Variants in KLK13 observed in about 807,000 individuals in gnomAD.
The protein encoded by KLK13 is kallikrein related peptidase 13, also known as kallikrein-13.
In KLK13, 19 loss-of-function variants were observed where a neutral mutation model predicts 22.4. The observed-to-expected ratio is 0.85, with a 90% CI of 0.59 to 1.24. KLK13 has a LOEUF of 1.24. Ranked by LOEUF, KLK13 falls within the 50% of genes most tolerant of loss-of-function variation. The pLI is 0.00. For synonymous variants in KLK13, 156 were observed against 141.8 expected, an observed-to-expected ratio of 1.10 and a Z score of -0.71; for missense variants, 311 against 347.9, an observed-to-expected ratio of 0.89 and a Z score of 0.84.
chr19:51,064,709 C>A (rs1180737706), intron 1 of KLK13: 2 of 618,950 alleles, frequency 3.2e-6, no homozygotes, highest in African/African-American at 1.8e-5. Flanking sequence ...TGGCTCAAAG[C>A]GGCAGCGTCA....
intron 3 of KLK13, 69 bp from the exon 4 acceptor site, chr19:51,058,743 C>A (rs1159935568): frequency 6.8e-7 from 1 of 1,472,168 alleles, no homozygotes; most frequent in Non-Finnish European, 9.5e-7. Flanking sequence ...GTGAAATAGG[C>A]GAGTTGAATG....
chr19:51,056,526 C>CT lies in KLK13; in HGVS notation c.*60dup, dbSNP rs556262982. On this transcript the variant is annotated 3_prime_UTR_variant, in exon 5 of 5. Coordinates refer to ENST00000595793, the MANE Select transcript of KLK13 (RefSeq NM_015596.3). ...ACTGGGAATAAGGAGCAGAGAAGGG[C>CT]TAAGCAGACCATGTGAGGAAGTCAT... is the stretch of plus-strand genomic sequence containing the variant. The CT allele has an allele frequency of 1.9e-4, 292 of 1,527,390 alleles. 1 individual carries two copies. The East Asian group carries it at 4.7e-3, about 24-fold the overall frequency. 94.6% of individuals were successfully genotyped at this position (1,527,390 alleles called of 1,614,324 possible).
chr19:51,063,929 G>C (rs186456497), intron 1 of KLK13: 3 of 436,294 alleles, frequency 6.9e-6, no homozygotes, highest in Non-Finnish European at 1.4e-5. Flanking sequence ...GTCTGTCCCC[G>C]CTAGACTCCA....
At position 51,059,873 on chromosome 19, in the gene KLK13, CAGG is replaced by C; in HGVS notation, c.457_459del (p.Pro153del). 1 of 1,604,194 alleles carries C rather than the reference CAGG, an allele frequency of 6.2e-7. No individual in the cohort carries two copies. The highest frequency in any genetic ancestry group is 8.5e-7 in the Non-Finnish European group (1 of 1,174,696). Reference sequence around the variant, plus strand: ...CAGCCAGACACCCGACAGGTGGTGCCAGGGGTTAGGCGGTTGTTGTGGGAAAGG... The same window carrying C: ...CAGCCAGACACCCGACAGGTGGTGCCGGTTAGGCGGTTGTTGTGGGAAAGG... On this transcript the variant is annotated inframe_deletion, in exon 3 of 5. Transcript: ENST00000595793.
In KLK13 at chr19:51,056,743, T is replaced by C; in HGVS notation, c.678A>G (p.Arg226=). 6.2e-7 allele frequency: 1 copy of C among 1,614,100 alleles called. No homozygotes were observed. Among genetic ancestry groups the C allele is most frequent in the Non-Finnish European group, 8.5e-7 (1 of 1,180,014 alleles). The change falls in exon 5 of 5, where the codon AGA becomes AGG. Residue 226 remains arginine (R), a synonymous_variant. Coordinates refer to ENST00000595793, the MANE Select transcript of KLK13 (RefSeq NM_015596.3). ...CCCAGGAGACGATGCCATACAGTGT[T>C]CTGTTACAGACCAGGGGGCCCCCAG... The part of the protein sequence containing the change: ...GDSGGPLVCN[R]TLYGIVSWGD...
Position 51,056,275 on chromosome 19 carries a change from C to A in KLK13, c.*312G>T. ...CTGATGGAAATATTTAAGAATGTGC[C>A]ACAGACAGAACGTTCAGGTGGTGAT... On this transcript the variant is annotated 3_prime_UTR_variant, in exon 5 of 5. Coordinates refer to ENST00000595793, the MANE Select transcript of KLK13 (RefSeq NM_015596.3). 3.0e-6 allele frequency: 1 copy of A among 330,116 alleles called. No individual in the cohort carries two copies. Among genetic ancestry groups the A allele is most frequent in the South Asian group, 4.5e-5 (1 of 22,424 alleles). 20.4% of individuals were successfully genotyped at this position (330,116 alleles called of 1,614,324 possible). A position where few individuals can be genotyped will look rare whatever the true frequency, so the allele number is the denominator to read the frequency against.
At chr19:51,058,809 G>T (rs1207088400) in intron 3 of KLK13, 135 bp from the exon 4 acceptor site, 8 of 861,002 alleles carry the variant, frequency 9.3e-6, no homozygotes, top group Non-Finnish European at 1.5e-5. Flanking sequence ...GAAGAGATGA[G>T]CACCTATCTG....
chr19:51,056,728 G>A lies in KLK13; in HGVS notation c.693C>T (p.Ile231=), dbSNP rs765329818. Residue 231 remains isoleucine (I), a synonymous_variant, in exon 5 of 5, where the codon ATC becomes ATT. Transcript: ENST00000595793. The part of the protein sequence containing the change: ...PLVCNRTLYG[I]VSWGDFPCGQ... ...CACATGGGAAGTCTCCCCAGGAGAC[G>A]ATGCCATACAGTGTTCTGTTACAGA... 9 of 1,614,062 alleles carry A rather than the reference G, an allele frequency of 5.6e-6. No homozygotes were observed. The highest frequency in any genetic ancestry group is 5.5e-5 in the South Asian group (5 of 91,084).
intron 3 of KLK13, chr19:51,059,565 CATAATAT>C (rs1309218847): frequency 1.0e-5 from 2 of 192,716 alleles, no homozygotes; most frequent in Non-Finnish European, 2.0e-5. Flanking sequence ...CTATATAATA[CATAATAT>C]ACATCATATA....
intron 1 of KLK13, chr19:51,064,652 A>G (rs756809404): frequency 1.8e-6 from 1 of 567,202 alleles, no homozygotes; most frequent in Non-Finnish European, 3.4e-6. Flanking sequence ...GATTAAGCCC[A>G]TTTTCCAGAT....
chr19:51,061,539 C>T (rs560960283), intron 1 of KLK13, among the ~76,000 whole-genome samples: 85 of 152,302 alleles, frequency 5.6e-4, no homozygotes, highest in African/African-American at 2.0e-3. Flanking sequence ...GTCATCTTTG[C>T]TTCTCTTCTT....
At position 51,064,805 on chromosome 19, in the gene KLK13, G is replaced by C. The variant is rs533911047; in HGVS notation, c.52+211C>G. On this transcript the variant is annotated intron_variant, in intron 1 of 4. Coordinates refer to ENST00000595793, the MANE Select transcript of KLK13 (RefSeq NM_015596.3). ...GGCTGCTGCGAGGGTATTTTGGGAG[G>C]TGAAGGGTCTGGGGTCGGAGGGCCA... 411 of 616,820 alleles carry C rather than the reference G, an allele frequency of 6.7e-4. 2 individuals carry two copies. Among genetic ancestry groups the C allele is most frequent in the African/African-American group, 5.5e-3 (299 of 54,132 alleles). 38.2% of individuals were successfully genotyped at this position (616,820 alleles called of 1,614,324 possible).
chr19:51,060,197 C>T (rs1025969415), intron 2 of KLK13, 104 bp from the exon 3 acceptor site: 33 of 1,389,636 alleles, frequency 2.4e-5, no homozygotes, highest in South Asian at 2.0e-4. Context: ...CTTCTCCATC[C>T]TACCTTCCTC....
At chr19:51,062,433 A>T (rs1056517304) in intron 1 of KLK13, among the ~76,000 whole-genome samples, 1 of 152,156 alleles carries the variant, frequency 6.6e-6, no homozygotes, top group African/African-American at 2.4e-5. Context: ...ATTTGTATGT[A>T]TTCGTTTTTA....
upstream of KLK13, among the ~76,000 whole-genome samples, chr19:51,065,393 A>G (rs1408815328): frequency 4.6e-5 from 7 of 151,924 alleles, no homozygotes; most frequent in Admixed American, 2.6e-4. Flanking sequence ...CTTTTCCTCC[A>G]GAGTCTGCCT....
chr19:51,060,176 C>G (rs1191439959), intron 2 of KLK13, 83 bp from the exon 3 acceptor site: 3 of 1,525,484 alleles, frequency 2.0e-6, no homozygotes, highest in African/African-American at 1.4e-5. Flanking sequence ...TTCCCATCCC[C>G]AACCTAACTT....
Position 51,055,770 on chromosome 19 carries a change from G to C in KLK13, c.*817C>G, listed in dbSNP as rs1243234914. On this transcript the variant is annotated 3_prime_UTR_variant, in exon 5 of 5. Coordinates refer to ENST00000595793, the MANE Select transcript of KLK13 (RefSeq NM_015596.3). The stretch of plus-strand genomic sequence containing the variant: ...GATTTGCACTACATTTTAGGGTCAT[G>C]CACAAAGATGTAACAGCAAGGGACA... Among the ~76,000 whole-genome samples the C allele has an allele frequency of 6.6e-6, 1 of 152,202 alleles. No individual in the cohort carries two copies. Among genetic ancestry groups the C allele is most frequent in the African/African-American group, 2.4e-5 (1 of 41,450 alleles).
intron 1 of KLK13, among the ~76,000 whole-genome samples, chr19:51,061,902 C>T (rs140537752): frequency 3.8e-4 from 58 of 152,272 alleles, no homozygotes; most frequent in African/African-American, 1.4e-3. Flanking sequence ...GCCTCATGGG[C>T]CTGTTCTTCA....
chr19:51,063,777 A>C (rs765262709), intron 1 of KLK13: 6 of 460,124 alleles, frequency 1.3e-5, no homozygotes, highest in South Asian at 9.3e-5. Flanking sequence ...TCTTGGCTCA[A>C]GGGTCAAGCC....
Sources: gnomAD v4.1 joint callset for allele counts (sites outside exome capture counted in the v4.1 genomes callset) on GRCh38, gnomAD v4.1.1 for gene constraint, MANE v1.5 for transcripts, NCBI Gene and HGNC (gene_info 2026-07-23, HGNC 2026-07-21) for gene names.